The following CPXM2 variants were observed in gnomAD, a reference collection of about 807,000 sequenced individuals.
The protein encoded by CPXM2 is carboxypeptidase X, M14 family member 2.
A neutral mutation model predicts 86.1 loss-of-function variants in CPXM2; 66 were observed. The ratio of observed to expected loss-of-function variants is 0.77; its 90% CI spans 0.63 to 0.94. CPXM2 has a LOEUF of 0.94. Among genes scored for constraint, CPXM2 ranks in the 40% least tolerant of loss-of-function variants. The pLI is 0.00. For synonymous variants in CPXM2, 388 were observed against 400.2 expected (o/e 0.97, Z 0.36); for missense variants, 948 against 1,026.3 (o/e 0.92, Z 1.04).
chr10:123,762,336 C>T (rs527571436), intron 10 of CPXM2, among the ~76,000 whole-genome samples, 167 bp from the exon 11 acceptor site: 1 of 152,258 alleles, frequency 6.6e-6, no homozygotes, highest in East Asian at 1.9e-4. Flanking sequence ...CTTAGAAAGA[C>T]TCATAAACCA....
At chr10:123,788,882 A>AAC (rs1847136446) in intron 6 of CPXM2, among the ~76,000 whole-genome samples, 1 of 131,998 alleles carries the variant, frequency 7.6e-6, no homozygotes, top group East Asian at 2.1e-4. Flanking sequence ...TTGATTGAAA[A>AAC]AAAAAAAAAA....
At position 123,832,513 on chromosome 10, in the gene CPXM2, C is replaced by T. The variant is rs142039069; in HGVS notation, c.653+9836G>A. 4.1e-3 allele frequency among the ~76,000 whole-genome samples: 624 copies of T among 152,218 alleles called. 1 individual carries two copies. Among genetic ancestry groups the T allele is most frequent in the Non-Finnish European group, 6.7e-3 (459 of 68,010 alleles). ...CAAAATTCATATGTTGGAACCAAAT[C>T]TCTAATGAGATGGTATTAAGAGGTG... On this transcript the variant is annotated intron_variant, in intron 4 of 13. Transcript: ENST00000241305.
chr10:123,770,755 C>T lies in CPXM2; in HGVS notation c.1102+161G>A, dbSNP rs563486750. 3.0e-4 allele frequency among the ~76,000 whole-genome samples: 45 copies of T among 152,304 alleles called. 1 individual carries two copies. Among genetic ancestry groups the T allele is most frequent in the Non-Finnish European group, 3.2e-4 (22 of 68,030 alleles). On this transcript the variant is annotated intron_variant, in intron 8 of 13. Coordinates refer to ENST00000241305, the MANE Select transcript of CPXM2 (RefSeq NM_198148.3). ...AGTCCATATCATAAGATGAGTGGTTCACAGAGCCAACATGGGCAAAATCTG... is the reference window on the plus strand; with the variant it reads ...AGTCCATATCATAAGATGAGTGGTTTACAGAGCCAACATGGGCAAAATCTG...
intron 3 of CPXM2, among the ~76,000 whole-genome samples, chr10:123,860,446 C>T (rs1437926682): frequency 6.6e-6 from 1 of 152,192 alleles, no homozygotes; most frequent in Non-Finnish European, 1.5e-5. Flanking sequence ...GGCACTCTGC[C>T]GGTGGAATTC....
Position 123,746,726 on chromosome 10 carries a change from T to G in CPXM2, c.*38A>C, listed in dbSNP as rs999464073. 3 of 1,604,494 alleles carry G rather than the reference T, an allele frequency of 1.9e-6. No homozygotes were observed. The African/African-American group carries it at 4.0e-5, about 22-fold the overall frequency. On this transcript the variant is annotated 3_prime_UTR_variant, in exon 14 of 14. Transcript: ENST00000241305. ...GAGCTACTACCAGGTTGGTTTAATT[T>G]GCATGGGTCCCAGACGAGTCTCAAG...
At chr10:123,933,280 T>C (rs1009361616) in intron 2 of CPXM2, among the ~76,000 whole-genome samples, 1 of 152,214 alleles carries the variant, frequency 6.6e-6, no homozygotes, top group African/African-American at 2.4e-5. Flanking sequence ...CTTCCTAGCA[T>C]TGATCTAGGA....
In CPXM2 at chr10:123,757,218, C is replaced by T. The variant is rs1846234436; in HGVS notation, c.1912G>A (p.Glu638Lys). Residue 638 changes from glutamate to lysine, a missense_variant, in exon 12 of 14, where the codon GAG becomes AAG. Glu to Lys is a moderately conservative substitution (Grantham distance 56, BLOSUM62 1). Coordinates refer to ENST00000241305, the MANE Select transcript of CPXM2 (RefSeq NM_198148.3). ...NNRESLIVFM[E>K]QVHRGIKGLV... ...GCCACACACCCGCAATATACCTGCT[C>T]CATGAACACGATCAGAGATTCCCGG... 2 of 1,614,074 alleles carry T rather than the reference C, an allele frequency of 1.2e-6. No individual in the cohort carries two copies. Among genetic ancestry groups the T allele is most frequent in the African/African-American group, 1.3e-5 (1 of 75,036 alleles).
rs749707890 is a variant in CPXM2, at chr10:123,767,009, A to C, written c.1443T>G (p.Ile481Met). 3.1e-6 allele frequency: 5 copies of C among 1,614,192 alleles called. No individual in the cohort carries two copies. In the South Asian group the frequency reaches 4.4e-5, roughly 14 times the overall value. Residue 481 changes from isoleucine (I) to methionine (M), a missense_variant, in exon 10 of 14, where the codon ATT (isoleucine) becomes ATG (methionine). Transcript: ENST00000241305. The part of the protein sequence containing the change: ...NVPRKVPNHY[I>M]AIPEWFLSEN... ...CCGACAGAAACCACTCAGGGATTGC[A>C]ATATAGTGATTGGGAACTTTCCTGG...
intron 4 of CPXM2, among the ~76,000 whole-genome samples, chr10:123,800,110 G>C (rs1308572578): frequency 6.7e-6 from 1 of 148,238 alleles, no homozygotes; most frequent in Admixed American, 6.8e-5. Flanking sequence ...CTTGCCCTCA[G>C]GATTCAGATC....
At chr10:123,800,817 A>C (rs1170692389) in intron 4 of CPXM2, among the ~76,000 whole-genome samples, 1 of 152,174 alleles carries the variant, frequency 6.6e-6, no homozygotes, top group Admixed American at 6.5e-5. Context: ...TCCCCTACTT[A>C]TGTTTGAATC....
intron 4 of CPXM2, among the ~76,000 whole-genome samples, chr10:123,806,947 A>T (rs1460055145): frequency 2.0e-5 from 3 of 152,180 alleles, no homozygotes; most frequent in Non-Finnish European, 4.4e-5. Context: ...GACCAAACTG[A>T]AATTCTAGTT....
intron 6 of CPXM2, among the ~76,000 whole-genome samples, chr10:123,791,207 G>C (rs1269887749): frequency 6.6e-6 from 1 of 152,056 alleles, no homozygotes; most frequent in Non-Finnish European, 1.5e-5. Context: ...TGAGGTCGGG[G>C]GTTCGAGACC....
At position 123,885,362 on chromosome 10, in the gene CPXM2, T is replaced by C. The variant is rs1945164514; in HGVS notation, c.305-5053A>G. On this transcript the variant is annotated intron_variant, in intron 1 of 13. Transcript: ENST00000241305. The surrounding 1 kb of genome is among the most constrained non-coding windows in gnomAD (Gnocchi z 4.0). ...AAGCTCGGGTTATTAATTGTTCCCA[T>C]GCCATCGTGAGGAACTGATGCTTGG... Among the ~76,000 whole-genome samples the C allele has an allele frequency of 6.6e-6, 1 of 152,178 alleles. No homozygotes were observed. Among genetic ancestry groups the C allele is most frequent in the Non-Finnish European group, 1.5e-5 (1 of 68,028 alleles).
In CPXM2 at chr10:123,797,628, C is replaced by T. The variant is rs535590449; in HGVS notation, c.889+348G>A. ...AGGGTGGAGTGTAGTGGTGCTATTT[C>T]GGCTCACTGCAGCCTTGACCTCTGG... On this transcript the variant is annotated intron_variant, in intron 6 of 13. Transcript: ENST00000241305. 2.5e-4 allele frequency among the ~76,000 whole-genome samples: 26 copies of T among 106,030 alleles called. 1 individual carries two copies. The highest frequency in any genetic ancestry group is 8.7e-4 in the East Asian group (3 of 3,454). 69.6% of individuals were successfully genotyped at this position (106,030 alleles called of 152,430 possible). A position where few individuals can be genotyped will look rare whatever the true frequency, so the allele number is the denominator to read the frequency against.
chr10:123,863,892 C>T (rs1848917834), intron 2 of CPXM2, among the ~76,000 whole-genome samples: 1 of 152,188 alleles, frequency 6.6e-6, no homozygotes, highest in Non-Finnish European at 1.5e-5. Context: ...ATGCCATTCG[C>T]CTCTTGGAGC....
At chr10:123,880,381 T>A in intron 1 of CPXM2, 72 bp from the exon 2 acceptor site, 1 of 754,272 alleles carries the variant, frequency 1.3e-6, no homozygotes, top group South Asian at 1.5e-5. Flanking sequence ...AGAGTTCAAC[T>A]GTCCTCTCCT....
chr10:123,772,438 C>T (rs1249931459), intron 7 of CPXM2, among the ~76,000 whole-genome samples: 1 of 151,560 alleles, frequency 6.6e-6, no homozygotes, highest in Non-Finnish European at 1.5e-5. Flanking sequence ...TAGTTATCAC[C>T]TCCCTGGGTG....
chr10:123,761,192 A>C (rs1846328493), intron 11 of CPXM2, among the ~76,000 whole-genome samples: 1 of 152,102 alleles, frequency 6.6e-6, no homozygotes, highest in Admixed American at 6.5e-5. Flanking sequence ...CAGGAGCAAA[A>C]CTTTGAATTC....
At chr10:123,761,851 C>T (rs372149847) in intron 11 of CPXM2, 21 bp downstream of exon 11, 1 of 1,608,990 alleles carries the variant, frequency 6.2e-7, no homozygotes, top group Non-Finnish European at 8.5e-7. Flanking sequence ...GCAGCCCACT[C>T]TCCCCCAGAG....
Sources: gnomAD v4.1 joint callset for allele counts (sites outside exome capture counted in the v4.1 genomes callset) on GRCh38, gnomAD v4.1.1 for gene constraint, Gnocchi (gnomAD v3.1) non-coding constraint, MANE v1.5 for transcripts, NCBI Gene and HGNC (gene_info 2026-07-23, HGNC 2026-07-21) for gene names.